GPC6: variants seen among roughly 807,000 people sequenced by gnomAD.
The protein encoded by GPC6 is glypican-6.
A neutral mutation model predicts 55.2 loss-of-function variants in GPC6; 14 were observed. The observed-to-expected ratio is 0.25, with a 90% CI of 0.17 to 0.40. The LOEUF (loss-of-function observed/expected upper bound fraction) is 0.40. Ranked by LOEUF, GPC6 falls within the 10% of genes least tolerant of loss-of-function variation. The pLI is 1.00. For synonymous variants in GPC6, 278 were observed against 259.6 expected, an observed-to-expected ratio of 1.07 and a Z score of -0.68; for missense variants, 641 against 708.5, an observed-to-expected ratio of 0.90 and a Z score of 1.08.
At chr13:94,173,690 G>A (rs1000353581) in intron 4 of GPC6, among the ~76,000 whole-genome samples, 1 of 152,112 alleles carries the variant, frequency 6.6e-6, no homozygotes, top group African/African-American at 2.4e-5. Flanking sequence ...GAGATTTTGA[G>A]AACATCACTA....
intron 6 of GPC6, among the ~76,000 whole-genome samples, chr13:94,335,953 T>G (rs555962602): frequency 6.6e-6 from 1 of 151,198 alleles, no homozygotes; most frequent in African/African-American, 2.4e-5. Flanking sequence ...ATAAAGGGTG[T>G]AGAGAGGAGA....
intron 2 of GPC6, among the ~76,000 whole-genome samples, chr13:93,772,933 A>C (rs1885349414): frequency 6.6e-6 from 1 of 152,080 alleles, no homozygotes; most frequent in Admixed American, 6.6e-5. Flanking sequence ...TGCTAGGAAA[A>C]GTTGTTATCA....
intron 2 of GPC6, among the ~76,000 whole-genome samples, chr13:93,596,610 AAT>A (rs66682625): frequency 0.68 from 89,853 of 132,282 alleles, 32,110 homozygotes; most frequent in Non-Finnish European, 0.79. Context: ...TAAATAAATA[AAT>A]ATATATATAT....
intron 4 of GPC6, among the ~76,000 whole-genome samples, chr13:94,169,893 A>G (rs1376425046): frequency 6.7e-6 from 1 of 149,960 alleles, no homozygotes; most frequent in Non-Finnish European, 1.5e-5. Context: ...AGAGAAAATG[A>G]AAAAAAATGA....
intron 3 of GPC6, among the ~76,000 whole-genome samples, chr13:93,986,943 T>C (rs1303865849): frequency 6.6e-6 from 1 of 152,206 alleles, no homozygotes; most frequent in African/African-American, 2.4e-5. Context: ...ACTTAATGAT[T>C]GCATAATATT....
At chr13:93,879,576 A>C (rs1232641047) in intron 3 of GPC6, among the ~76,000 whole-genome samples, 1 of 151,590 alleles carries the variant, frequency 6.6e-6, no homozygotes, top group Non-Finnish European at 1.5e-5. Context: ...AGATGGATTA[A>C]AGACTTAAAC....
chr13:93,913,536 A>T (rs923396338), intron 3 of GPC6, among the ~76,000 whole-genome samples: 3 of 152,054 alleles, frequency 2.0e-5, no homozygotes, highest in Non-Finnish European at 2.9e-5. Context: ...TCCATCTTTA[A>T]ATTTAGCCAT....
chr13:93,694,615 C>T (rs138592336), intron 2 of GPC6, among the ~76,000 whole-genome samples: 1 of 152,114 alleles, frequency 6.6e-6, no homozygotes, highest in Non-Finnish European at 1.5e-5. Context: ...TGTGATTAAA[C>T]CGAGTTACAC....
At chr13:93,401,889 A>G (rs984559972) in intron 1 of GPC6, among the ~76,000 whole-genome samples, 29 of 152,104 alleles carry the variant, frequency 1.9e-4, no homozygotes, top group African/African-American at 6.8e-4. Context: ...ACATGAATAA[A>G]TTAAGAATAA....
At chr13:93,758,444 C>G (rs1161069932) in intron 2 of GPC6, among the ~76,000 whole-genome samples, 1 of 152,102 alleles carries the variant, frequency 6.6e-6, no homozygotes, top group Admixed American at 6.6e-5. Flanking sequence ...GTCTCTCTGT[C>G]TCTGGGATAT....
At chr13:94,138,811 C>T (rs1446066980) in intron 4 of GPC6, among the ~76,000 whole-genome samples, 2 of 152,138 alleles carry the variant, frequency 1.3e-5, no homozygotes, top group Admixed American at 6.6e-5. Context: ...CAGAAGCTCT[C>T]CTGTACTGAG....
At chr13:94,058,246 A>T (rs1884198248) in intron 4 of GPC6, among the ~76,000 whole-genome samples, 1 of 152,198 alleles carries the variant, frequency 6.6e-6, no homozygotes, top group South Asian at 2.1e-4. Context: ...AAGTTGGGAC[A>T]TACATATTTA....
chr13:93,924,175 AC>A lies in GPC6; in HGVS notation c.711+93633del, dbSNP rs548163221. Among the ~76,000 whole-genome samples, 316 of 152,294 alleles carry A rather than the reference AC, an allele frequency of 2.1e-3. 3 individuals carry two copies. The highest frequency in any genetic ancestry group is 7.5e-3 in the African/African-American group (310 of 41,566). On this transcript the variant is annotated intron_variant, in intron 3 of 8. Coordinates refer to ENST00000377047, the MANE Select transcript of GPC6 (RefSeq NM_005708.5). ...GGATGTTAATTATCCCCATTCATAC[AC>A]CCTCTTTATTATACATTTGATATAC...
intron 6 of GPC6, among the ~76,000 whole-genome samples, chr13:94,352,115 C>T (rs1339453065): frequency 6.6e-6 from 1 of 152,018 alleles, no homozygotes; most frequent in African/African-American, 2.4e-5. Context: ...GATGTGTGCT[C>T]GCCTCTGTAT....
At chr13:93,667,895 T>A (rs1881210597) in intron 2 of GPC6, among the ~76,000 whole-genome samples, 1 of 152,208 alleles carries the variant, frequency 6.6e-6, no homozygotes, top group Admixed American at 6.5e-5. Context: ...CAGACTTGTA[T>A]AAAATTGTAG....
intron 1 of GPC6, among the ~76,000 whole-genome samples, chr13:93,434,283 A>G (rs1419843615): frequency 6.6e-6 from 1 of 152,218 alleles, no homozygotes; most frequent in African/African-American, 2.4e-5. Context: ...AGCACAGCCT[A>G]TAGACTGATA....
intron 1 of GPC6, among the ~76,000 whole-genome samples, chr13:93,526,196 T>C (rs890067421): frequency 6.6e-6 from 1 of 152,092 alleles, no homozygotes; most frequent in Non-Finnish European, 1.5e-5. Flanking sequence ...AAATAAAATA[T>C]GGAAATATGG....
At chr13:93,443,725 G>GGT (rs1877892172) in intron 1 of GPC6, among the ~76,000 whole-genome samples, 1 of 152,176 alleles carries the variant, frequency 6.6e-6, no homozygotes, top group African/African-American at 2.4e-5. Flanking sequence ...TGTTATGTAA[G>GGT]GTGTCCAATA....
intron 2 of GPC6, among the ~76,000 whole-genome samples, chr13:93,604,176 G>A (rs1878140354): frequency 6.6e-6 from 1 of 152,190 alleles, no homozygotes; most frequent in Admixed American, 6.5e-5. Flanking sequence ...TTTTTGAAAA[G>A]GCAAAGGGAT....
Sources: gnomAD v4.1 joint callset for allele counts (sites outside exome capture counted in the v4.1 genomes callset) on GRCh38, gnomAD v4.1.1 for gene constraint, MANE v1.5 for transcripts, NCBI Gene and HGNC (gene_info 2026-07-23, HGNC 2026-07-21) for gene names.